RALYL: variants seen among roughly 807,000 people sequenced by gnomAD.
RALYL encodes the protein RALY RNA binding protein like.
In RALYL, 29 loss-of-function variants were observed where a neutral mutation model predicts 35.1. That is an observed-to-expected ratio of 0.83 (90% CI 0.61 to 1.13). RALYL has a LOEUF of 1.13. RALYL is among the 50% of genes most tolerant of loss of function. The pLI, the probability that RALYL is intolerant of heterozygous loss-of-function variation, is 0.00. For missense variants in RALYL, 359 were observed against 360.4 expected (o/e 1.00, Z 0.03); for synonymous variants, 120 against 127.6 (o/e 0.94, Z 0.40).
At chr8:84,516,264 A>G (rs2058055226) in intron 1 of RALYL, among the ~76,000 whole-genome samples, 1 of 151,998 alleles carries the variant, frequency 6.6e-6, no homozygotes, top group African/African-American at 2.4e-5. Flanking sequence ...TAGAGTTTAT[A>G]ATATATTTCA....
rs3078265 is a variant in RALYL, at chr8:84,207,820, GTATA to G, written c.-24+23413_-24+23416del. Among the ~76,000 whole-genome samples, 209 of 146,056 alleles carry G rather than the reference GTATA, an allele frequency of 1.4e-3. 1 individual carries two copies. Among genetic ancestry groups the G allele is most frequent in the South Asian group, 7.0e-3 (32 of 4,560 alleles). On this transcript the variant is annotated intron_variant, in intron 1 of 8. Transcript: ENST00000521268. ...ATAATGTGTGTGTGTGTGTGTGTGT[GTATA>G]TATATATATATATATAGAAACATTG...
intron 6 of RALYL, among the ~76,000 whole-genome samples, chr8:84,863,166 G>A (rs1260343964): frequency 6.6e-6 from 1 of 152,116 alleles, no homozygotes; most frequent in Non-Finnish European, 1.5e-5. Flanking sequence ...CAGATAATAA[G>A]CTGACCTATA....
At chr8:84,918,012 G>T (rs1490285714) in intron 8 of RALYL, among the ~76,000 whole-genome samples, 1 of 151,986 alleles carries the variant, frequency 6.6e-6, no homozygotes, top group Non-Finnish European at 1.5e-5. Context: ...ATCCATAGTG[G>T]CAACAAGTAT....
At chr8:84,464,230 C>T (rs901891410) in intron 1 of RALYL, among the ~76,000 whole-genome samples, 59 of 150,542 alleles carry the variant, frequency 3.9e-4, no homozygotes, top group African/African-American at 1.3e-3. Flanking sequence ...CATGCTGGTG[C>T]GCTGCATCCA....
chr8:84,256,363 C>CCTAA (rs5892908), intron 1 of RALYL, among the ~76,000 whole-genome samples: 102,779 of 151,562 alleles, frequency 0.68, 36,100 homozygotes, highest in African/African-American at 0.87. Context: ...TATTTTGCTA[C>CCTAA]CTATTTTCAT....
At position 84,524,924 on chromosome 8, in the gene RALYL, T is replaced by G. The variant is rs796873100; in HGVS notation, c.-23-4375T>G. Among the ~76,000 whole-genome samples, 8 of 151,872 alleles carry G rather than the reference T, an allele frequency of 5.3e-5. No individual in the cohort carries two copies. In the South Asian group the frequency reaches 1.0e-3, roughly 20 times the overall value. On this transcript the variant is annotated intron_variant, in intron 1 of 8. Transcript: ENST00000521268. ...AAAACAGCCGTTCTCTAGGTTTGAATGAAACATAAATAGCTAGATGTATTT... is the reference window on the plus strand; with the variant it reads ...AAAACAGCCGTTCTCTAGGTTTGAAGGAAACATAAATAGCTAGATGTATTT...
chr8:84,722,614 A>AG (rs1844138859), intron 2 of RALYL, among the ~76,000 whole-genome samples: 1 of 69,602 alleles, frequency 1.4e-5, no homozygotes, highest in African/African-American at 1.1e-4. Context: ...TCCTAGAGTG[A>AG]TTTTATATAT....
chr8:84,238,167 G>C (rs1269127537), intron 1 of RALYL, among the ~76,000 whole-genome samples: 1 of 151,846 alleles, frequency 6.6e-6, no homozygotes, highest in East Asian at 1.9e-4. Context: ...AAAATATAAT[G>C]GTCTATTATC....
chr8:84,295,211 T>C (rs193024826), intron 1 of RALYL, among the ~76,000 whole-genome samples: 1 of 152,134 alleles, frequency 6.6e-6, no homozygotes, highest in East Asian at 1.9e-4. Flanking sequence ...CAGAGAAAAT[T>C]TGATTAGAGT....
rs181473751 is a variant in RALYL, at chr8:84,399,937, C to T, written c.-23-129362C>T. ...TTCCAGACCAGCCTGGCCAACATGG[C>T]GAAACCCTGTCTCTACTAAAAATAG... On this transcript the variant is annotated intron_variant, in intron 1 of 8. Coordinates refer to ENST00000521268, the MANE Select transcript of RALYL (RefSeq NM_173848.7). Among the ~76,000 whole-genome samples the T allele has an allele frequency of 2.4e-4, 37 of 152,142 alleles. No individual in the cohort carries two copies. In the East Asian group the frequency reaches 6.2e-3, roughly 26 times the overall value.
intron 1 of RALYL, among the ~76,000 whole-genome samples, chr8:84,404,997 A>C (rs1164031631): frequency 1.3e-5 from 2 of 152,220 alleles, no homozygotes; most frequent in African/African-American, 4.8e-5. Context: ...AAAAGAGTGA[A>C]GATCATAACA....
At position 84,533,891 on chromosome 8, in the gene RALYL, A is replaced by T. The variant is rs565506260; in HGVS notation, c.256+4314A>T. Among the ~76,000 whole-genome samples the T allele has an allele frequency of 5.9e-5, 9 of 152,336 alleles. No individual in the cohort carries two copies. The South Asian group carries it at 1.9e-3, about 32-fold the overall frequency. On this transcript the variant is annotated intron_variant, in intron 2 of 8. Coordinates refer to ENST00000521268, the MANE Select transcript of RALYL (RefSeq NM_173848.7). ...GAGATATAAGAACAAAGAAGAGAAC[A>T]TTCAAATGCTTGTAACAATTCCCGT...
At chr8:84,755,187 G>A (rs916151437) in intron 2 of RALYL, among the ~76,000 whole-genome samples, 2 of 152,286 alleles carry the variant, frequency 1.3e-5, no homozygotes, top group Admixed American at 1.3e-4. Context: ...GTGGATAGAT[G>A]AGAAAATAAT....
At chr8:84,705,854 G>T (rs994673605) in intron 2 of RALYL, 3 of 1,334,912 alleles carry the variant, frequency 2.2e-6, no homozygotes, top group Non-Finnish European at 3.0e-6. Context: ...ACAGGCTGTA[G>T]CATCTCCCCT....
chr8:84,841,592 TG>T (rs529730599), intron 4 of RALYL, among the ~76,000 whole-genome samples: 168 of 152,292 alleles, frequency 1.1e-3, no homozygotes, highest in African/African-American at 3.9e-3. Flanking sequence ...ATCCAGGACC[TG>T]AACTCAGCTC....
intron 1 of RALYL, among the ~76,000 whole-genome samples, chr8:84,190,098 T>G (rs1343187167): frequency 5.9e-5 from 9 of 152,212 alleles, no homozygotes; most frequent in Non-Finnish European, 7.3e-5. Context: ...CAAAATGTAA[T>G]CTCTACTCTT....
intron 6 of RALYL, among the ~76,000 whole-genome samples, chr8:84,871,213 A>C (rs1183690681): frequency 3.3e-5 from 5 of 152,164 alleles, no homozygotes; most frequent in African/African-American, 1.2e-4. Context: ...TCTAGACTTA[A>C]ATGAAACCTT....
intron 8 of RALYL, among the ~76,000 whole-genome samples, chr8:84,906,317 G>C (rs1048018541): frequency 2.0e-5 from 3 of 152,014 alleles, no homozygotes; most frequent in Admixed American, 6.6e-5. Flanking sequence ...TATTGAGTAT[G>C]ATGAGCTGTA....
At chr8:84,608,476 G>A (rs138987030) in intron 2 of RALYL, among the ~76,000 whole-genome samples, 4 of 152,062 alleles carry the variant, frequency 2.6e-5, no homozygotes. Flanking sequence ...ATTTCTGAAG[G>A]CCCTGTTGTT....
Sources: allele counts gnomAD v4.1 joint callset (sites outside exome capture counted in the v4.1 genomes callset), GRCh38; gene constraint gnomAD v4.1.1; transcripts MANE v1.5; gene names NCBI Gene and HGNC (gene_info 2026-07-23, HGNC 2026-07-21).